Variants in SLC25A36 observed in about 807,000 individuals in gnomAD.
SLC25A36 encodes the protein solute carrier family 25 member 36.
Under a neutral mutation model 35.3 loss-of-function variants are expected in SLC25A36, and 24 were observed. The ratio of observed to expected loss-of-function variants is 0.68; its 90% CI spans 0.49 to 0.96. The LOEUF (loss-of-function observed/expected upper bound fraction) is 0.96. Ranked by LOEUF, SLC25A36 falls within the 40% of genes least tolerant of loss-of-function variation. SLC25A36 has a pLI of 0.00. For synonymous variants in SLC25A36, 141 were observed against 132.2 expected, an observed-to-expected ratio of 1.07 and a Z score of -0.46; for missense variants, 294 against 381.1, an observed-to-expected ratio of 0.77 and a Z score of 1.90.
chr3:140,976,153 T>C, intron 6 of SLC25A36, 107 bp from the exon 7 acceptor site: 1 of 756,288 alleles, frequency 1.3e-6, no homozygotes. Flanking sequence ...GCCATCCTTT[T>C]TTATCCTGAG....
intron 1 of SLC25A36, among the ~76,000 whole-genome samples, chr3:140,946,150 T>C (rs899348303): frequency 6.6e-6 from 1 of 152,170 alleles, no homozygotes; most frequent in Admixed American, 6.5e-5. Flanking sequence ...GTAATTGTTA[T>C]CATTAACTAG....
At chr3:140,973,573 A>G (rs1934960932) in intron 5 of SLC25A36, 143 bp from the exon 6 acceptor site, 6 of 652,498 alleles carry the variant, frequency 9.2e-6, no homozygotes, top group Non-Finnish European at 4.5e-6. Flanking sequence ...AGAATAGGAA[A>G]TCTAAAATAT....
intron 1 of SLC25A36, among the ~76,000 whole-genome samples, chr3:140,955,167 A>G (rs1934446216): frequency 6.6e-6 from 1 of 152,106 alleles, no homozygotes; most frequent in Non-Finnish European, 1.5e-5. Context: ...CACCAATATG[A>G]CATATTTTTA....
chr3:140,948,859 A>G (rs952687048), intron 1 of SLC25A36, among the ~76,000 whole-genome samples: 1 of 152,166 alleles, frequency 6.6e-6, no homozygotes, highest in African/African-American at 2.4e-5. Context: ...TTTTATGTCT[A>G]TGTACCTGTC....
chr3:140,963,142 T>A lies in SLC25A36; in HGVS notation c.300T>A (p.Ala100=). Residue 100 remains alanine (A), a synonymous_variant, in exon 4 of 7, where the codon GCT becomes GCA. Transcript: ENST00000324194. The part of the protein sequence containing the change: ...GVAPSRAIYF[A]AYSNCKEKLN... ...TCTATTTTAGAGCAATATACTTTGC[T>A]GCTTATTCAAACTGCAAGGAAAAGT... 6.3e-7 allele frequency: 1 copy of A among 1,585,336 alleles called. No individual in the cohort carries two copies.
At chr3:140,953,248 A>G (rs748165073) in intron 1 of SLC25A36, among the ~76,000 whole-genome samples, 13 of 152,134 alleles carry the variant, frequency 8.5e-5, no homozygotes, top group Non-Finnish European at 1.3e-4. Flanking sequence ...AGACTATTTC[A>G]TGGCTGTTTG....
rs900983106 is a variant in SLC25A36, at chr3:140,978,328, C to T, written c.*1875C>T. The T allele has an allele frequency of 2.6e-5, 4 of 152,076 alleles. No individual in the cohort carries two copies. Among genetic ancestry groups the T allele is most frequent in the East Asian group, 3.8e-4 (2 of 5,202 alleles). The allele number at this position is 152,076 out of a possible 1,614,324, so 9.4% of individuals were successfully genotyped here. On this transcript the variant is annotated 3_prime_UTR_variant, in exon 7 of 7. Transcript: ENST00000324194. ...GTATTATGAGGAACGTACCAAAAAC[C>T]GGTTTGTAACAAATCTGTAGAGAAG...
At chr3:140,950,183 C>T (rs1052972453) in intron 1 of SLC25A36, among the ~76,000 whole-genome samples, 1 of 152,136 alleles carries the variant, frequency 6.6e-6, no homozygotes, top group Non-Finnish European at 1.5e-5. Flanking sequence ...TTGTTCACTG[C>T]AGAGCTAAGT....
At chr3:140,958,958 TTTTGTGTGTGTGTGTGTG>T (rs1934553005) in intron 2 of SLC25A36, among the ~76,000 whole-genome samples, 2 of 126,138 alleles carry the variant, frequency 1.6e-5, no homozygotes, top group Non-Finnish European at 1.6e-5. Context: ...AAAAACAATG[TTTTGTGTGTGTGTGTGTG>T]TGTGTGTGTG....
intron 2 of SLC25A36, among the ~76,000 whole-genome samples, chr3:140,958,169 A>G (rs536045032): frequency 6.6e-6 from 1 of 152,324 alleles, no homozygotes; most frequent in Non-Finnish European, 1.5e-5. Context: ...TAAATTAACC[A>G]TTAGACCCAA....
At chr3:140,975,584 G>T (rs1353749782) in intron 6 of SLC25A36, among the ~76,000 whole-genome samples, 1 of 152,214 alleles carries the variant, frequency 6.6e-6, no homozygotes, top group Non-Finnish European at 1.5e-5. Context: ...ATAGGAAGCT[G>T]TGAGTTCTTG....
chr3:140,973,530 A>G (rs902203301), intron 5 of SLC25A36, 186 bp from the exon 6 acceptor site: 2 of 440,166 alleles, frequency 4.5e-6, no homozygotes, highest in Non-Finnish European at 7.7e-6. Context: ...CTATTTACAT[A>G]TCACCCATTT....
chr3:140,944,686 GTGGA>G (rs552173461), intron 1 of SLC25A36, among the ~76,000 whole-genome samples: 43 of 130,498 alleles, frequency 3.3e-4, no homozygotes, highest in Admixed American at 6.8e-4. Flanking sequence ...AAGATTTTAA[GTGGA>G]TGAAGTATTT....
chr3:140,969,101 A>G (rs934493747), intron 4 of SLC25A36, among the ~76,000 whole-genome samples: 18 of 151,810 alleles, frequency 1.2e-4, no homozygotes, highest in African/African-American at 4.1e-4. Flanking sequence ...TTGGAGTTTG[A>G]CCAGAATATT....
intron 4 of SLC25A36, chr3:140,970,427 T>C (rs1374147668): frequency 6.6e-6 from 1 of 152,380 alleles, no homozygotes; most frequent in East Asian, 1.9e-4. Context: ...CAAACAACAG[T>C]CTTTTCCACT....
At chr3:140,951,180 C>G (rs2107786040) in intron 1 of SLC25A36, among the ~76,000 whole-genome samples, 1 of 152,220 alleles carries the variant, frequency 6.6e-6, no homozygotes, top group East Asian at 1.9e-4. Context: ...CTTGCAGCTG[C>G]CGATTTCTCT....
Position 140,979,840 on chromosome 3 carries a change from C to T in SLC25A36, c.*3387C>T, listed in dbSNP as rs1468741860. The T allele has an allele frequency of 2.0e-5, 3 of 152,212 alleles. No homozygotes were observed. Among genetic ancestry groups the T allele is most frequent in the East Asian group, 3.8e-4 (2 of 5,204 alleles). 9.4% of individuals were successfully genotyped at this position (152,212 alleles called of 1,614,324 possible). ...AGGTTTGGTATCTTGCATTTATGTA[C>T]ATGGCTGTAAATTATGTGCATTTAC... On this transcript the variant is annotated 3_prime_UTR_variant, in exon 7 of 7. Transcript: ENST00000324194.
chr3:140,960,330 G>A (rs921733559), intron 3 of SLC25A36, among the ~76,000 whole-genome samples: 4 of 152,172 alleles, frequency 2.6e-5, no homozygotes, highest in African/African-American at 7.2e-5. Context: ...AGAAAGGTAA[G>A]CATTCTTTTA....
At chr3:140,954,148 A>G (rs1414248182) in intron 1 of SLC25A36, among the ~76,000 whole-genome samples, 1 of 152,178 alleles carries the variant, frequency 6.6e-6, no homozygotes, top group African/African-American at 2.4e-5. Flanking sequence ...CGAGGGGGAT[A>G]ATTTTTTTAA....
Sources: allele counts gnomAD v4.1 joint callset (sites outside exome capture counted in the v4.1 genomes callset), GRCh38; gene constraint gnomAD v4.1.1; transcripts MANE v1.5; gene names NCBI Gene and HGNC (gene_info 2026-07-23, HGNC 2026-07-21).